The following SUCLG1 variants were observed in gnomAD, a reference collection of about 807,000 sequenced individuals.
The protein encoded by SUCLG1 is succinate-CoA ligase GDP/ADP-forming subunit alpha, also known as succinate--CoA ligase [ADP/GDP-forming] subunit alpha, mitochondrial.
A neutral mutation model predicts 37.3 loss-of-function variants in SUCLG1; 26 were observed. The ratio of observed to expected loss-of-function variants is 0.70; its 90% CI spans 0.51 to 0.97. The LOEUF is 0.97. Among genes scored for constraint, SUCLG1 ranks in the 50% least tolerant of loss-of-function variants. The pLI is 0.00. For missense variants in SUCLG1, 433 were observed against 432.9 expected (o/e 1.00, Z 0.00); for synonymous variants, 163 against 155.6 (o/e 1.05, Z -0.36).
chr2:84,429,866 G>T (rs1672590707), intron 7 of SUCLG1, among the ~76,000 whole-genome samples: 2 of 152,136 alleles, frequency 1.3e-5, no homozygotes, highest in African/African-American at 4.8e-5. Context: ...AAATAAGAGA[G>T]ATCAAGAAGG....
chr2:84,443,730 T>C (rs1463315550), intron 2 of SUCLG1, among the ~76,000 whole-genome samples: 3 of 152,108 alleles, frequency 2.0e-5, no homozygotes, highest in African/African-American at 7.2e-5. Context: ...CTTGGCTTTC[T>C]CTCACTTCAA....
At chr2:84,445,836 A>C (rs1314322094) in intron 2 of SUCLG1, among the ~76,000 whole-genome samples, 1 of 152,228 alleles carries the variant, frequency 6.6e-6, no homozygotes, top group East Asian at 1.9e-4. Context: ...CATAATGAAG[A>C]TCACGGCACT....
intron 5 of SUCLG1, among the ~76,000 whole-genome samples, chr2:84,434,929 T>C (rs1388638125): frequency 6.6e-6 from 1 of 152,216 alleles, no homozygotes; most frequent in Non-Finnish European, 1.5e-5. Context: ...AAGAATGGTG[T>C]GTACGTAACT....
chr2:84,435,874 A>G (rs947713116), intron 5 of SUCLG1, among the ~76,000 whole-genome samples: 6 of 152,170 alleles, frequency 3.9e-5, no homozygotes, highest in Non-Finnish European at 7.3e-5. Flanking sequence ...CTCTTTAAAT[A>G]AACACTGCCA....
chr2:84,445,891 A>T (rs1672842259), intron 2 of SUCLG1, among the ~76,000 whole-genome samples: 1 of 152,202 alleles, frequency 6.6e-6, no homozygotes, highest in African/African-American at 2.4e-5. Context: ...AGTCAAGTAA[A>T]AGCCAAACTC....
intron 7 of SUCLG1, among the ~76,000 whole-genome samples, chr2:84,430,456 AATGAGGGT>A (rs1225541181): frequency 6.6e-6 from 1 of 152,210 alleles, no homozygotes; most frequent in Non-Finnish European, 1.5e-5. Context: ...AGAATGAGAG[AATGAGGGT>A]AAACCTGAGT....
chr2:84,451,307 T>C (rs1046162615), intron 1 of SUCLG1, among the ~76,000 whole-genome samples: 1 of 151,582 alleles, frequency 6.6e-6, no homozygotes, highest in Non-Finnish European at 1.5e-5. Context: ...TCATACCATA[T>C]GTTTTCAGAC....
At chr2:84,459,063 C>G (rs1014080644) in intron 1 of SUCLG1, 110 bp downstream of exon 1, 2 of 1,155,008 alleles carry the variant, frequency 1.7e-6, no homozygotes, top group Admixed American at 3.0e-5. Context: ...GCTCCCAGGC[C>G]CCCGCCGAGG....
chr2:84,439,241 C>A (rs372582763), intron 5 of SUCLG1, among the ~76,000 whole-genome samples: 10 of 151,590 alleles, frequency 6.6e-5, no homozygotes, highest in African/African-American at 2.2e-4. Flanking sequence ...GTCTCCCAGA[C>A]GACTGTCTCA....
intron 2 of SUCLG1, among the ~76,000 whole-genome samples, chr2:84,444,522 TCACAGGAC>T (rs553366916): frequency 0.011 from 1,707 of 152,244 alleles, 28 homozygotes; most frequent in African/African-American, 0.039. Flanking sequence ...CAGGGTGAGA[TCACAGGAC>T]CACAGGACCA....
Position 84,423,670 on chromosome 2 carries a change from G to A in SUCLG1, c.*76C>T. The A allele has an allele frequency of 7.0e-7, 1 of 1,438,630 alleles. No homozygotes were observed. Among genetic ancestry groups the A allele is most frequent in the Non-Finnish European group, 9.7e-7 (1 of 1,036,056 alleles). The allele number at this position is 1,438,630 out of a possible 1,614,324, so 89.1% of individuals were successfully genotyped here. A position where few individuals can be genotyped will look rare whatever the true frequency, so the allele number is the denominator to read the frequency against. On this transcript the variant is annotated 3_prime_UTR_variant, in exon 9 of 9. Coordinates refer to ENST00000393868, the MANE Select transcript of SUCLG1 (RefSeq NM_003849.4). ...AGGCACATAGGCTGATTAATCAGTG[G>A]ACAACAGAAGCAAACTGCTGCTGGG...
At chr2:84,443,508 T>G in intron 2 of SUCLG1, 108 bp from the exon 3 acceptor site, 8 of 903,814 alleles carry the variant, frequency 8.9e-6, no homozygotes. Context: ...AGGTTAACTA[T>G]TCCCAGACAA....
At chr2:84,435,936 T>G (rs1350657246) in intron 5 of SUCLG1, among the ~76,000 whole-genome samples, 3 of 152,236 alleles carry the variant, frequency 2.0e-5, no homozygotes, top group Non-Finnish European at 1.5e-5. Context: ...TCTCTTTGAA[T>G]GCATTTTATC....
intron 7 of SUCLG1, among the ~76,000 whole-genome samples, chr2:84,430,687 A>C (rs1672601283): frequency 6.6e-6 from 1 of 152,126 alleles, no homozygotes; most frequent in African/African-American, 2.4e-5. Flanking sequence ...ATACATATAG[A>C]GAGAAAGTGA....
At chr2:84,433,212 C>A in intron 6 of SUCLG1, 140 bp downstream of exon 6, 1 of 794,920 alleles carries the variant, frequency 1.3e-6, no homozygotes, top group Non-Finnish European at 2.1e-6. Context: ...TACACTTAAG[C>A]AAATTAAATT....
chr2:84,425,295 T>A, intron 8 of SUCLG1, 120 bp downstream of exon 8: 1 of 1,127,166 alleles, frequency 8.9e-7, no homozygotes, highest in South Asian at 1.3e-5. Context: ...ACTATTAAGC[T>A]GCACATCAGA....
intron 1 of SUCLG1, among the ~76,000 whole-genome samples, chr2:84,457,893 T>C (rs1673048587): frequency 6.6e-6 from 1 of 152,102 alleles, no homozygotes; most frequent in South Asian, 2.1e-4. Flanking sequence ...ATTTCATACT[T>C]GCTAACGTTA....
intron 1 of SUCLG1, among the ~76,000 whole-genome samples, chr2:84,453,485 G>T (rs1558615529): frequency 6.6e-6 from 1 of 152,020 alleles, no homozygotes; most frequent in Non-Finnish European, 1.5e-5. Flanking sequence ...CACGATCCCG[G>T]CTCACTGCAA....
chr2:84,447,505 T>C (rs1672867823), intron 2 of SUCLG1, among the ~76,000 whole-genome samples: 2 of 152,140 alleles, frequency 1.3e-5, no homozygotes, highest in South Asian at 4.1e-4. Context: ...AATCATATAA[T>C]ATTTGGCAAA....
Sources: gnomAD v4.1 joint callset for allele counts (sites outside exome capture counted in the v4.1 genomes callset) on GRCh38, gnomAD v4.1.1 for gene constraint, MANE v1.5 for transcripts, NCBI Gene and HGNC (gene_info 2026-07-23, HGNC 2026-07-21) for gene names.